Variants in COQ2 observed in about 807,000 individuals in gnomAD.
COQ2 encodes the protein 4-hydroxybenzoate polyprenyltransferase, mitochondrial.
A neutral mutation model predicts 35.7 loss-of-function variants in COQ2; 25 were observed. That is an observed-to-expected ratio of 0.70 (90% CI 0.51 to 0.98). COQ2 has a LOEUF of 0.98. Among genes scored for constraint, COQ2 ranks in the 50% least tolerant of loss-of-function variants. The probability of loss-of-function intolerance (pLI) is 0.00; values close to 1 mark genes in which losing one functional copy is unlikely to be tolerated. For synonymous variants in COQ2, 206 were observed against 186.2 expected (o/e 1.11, Z -0.86); for missense variants, 488 against 473.5 (o/e 1.03, Z -0.28).
chr4:83,282,409 C>G (rs1735345873), intron 1 of COQ2: 1 of 152,476 alleles, frequency 6.6e-6, no homozygotes, highest in South Asian at 2.1e-4. Context: ...AAAGAATTAT[C>G]AAACCTGGAA....
At chr4:83,265,207 C>T (rs1011023624) in intron 6 of COQ2, among the ~76,000 whole-genome samples, 1 of 152,172 alleles carries the variant, frequency 6.6e-6, no homozygotes, top group Non-Finnish European at 1.5e-5. Flanking sequence ...TGCAGACTTA[C>T]AATTATCATG....
Position 83,273,546 on chromosome 4 carries a change from C to G in COQ2, c.492G>C (p.Gly164=). The change falls in exon 3 of 7, where the codon GGG becomes GGC. Residue 164 remains glycine, a synonymous_variant. Coordinates refer to ENST00000647002, the MANE Select transcript of COQ2 (RefSeq NM_001358921.2). ...ISTFQSFVFL[G]GQLTLALGVL... ...CACCCAGTGCCAGGGTTAGCTGTCC[C>G]CCAAGAAAAACAAAGGACTGAAAAG... is the stretch of plus-strand genomic sequence containing the variant. 1 of 1,613,568 alleles carries G rather than the reference C, an allele frequency of 6.2e-7. No homozygotes were observed.
At chr4:83,274,775 C>T (rs190597530) in intron 2 of COQ2, among the ~76,000 whole-genome samples, 3 of 152,266 alleles carry the variant, frequency 2.0e-5, no homozygotes, top group Admixed American at 2.0e-4. Context: ...TCAGCCCCAA[C>T]CCCTTTCTCC....
rs758892356 is a variant in COQ2 at position 83,267,605 on chromosome 4, C to G, written c.932G>C (p.Gly311Ala). Residue 311 changes from glycine (G) to alanine (A), a missense_variant, in exon 6 of 7, where the codon GGA (glycine) becomes GCA (alanine). Transcript: ENST00000647002. Reference protein sequence around the residue: ...APYYAALGAVGAHLTHQIYTL... With the variant: ...APYYAALGAVAAHLTHQIYTL... ...TCAAACCTGGTGAGTCAGATGGGCT[C>G]CTACAGCACCCAGGGCAGCGTAGTA... is the stretch of plus-strand genomic sequence containing the variant. 6.3e-7 allele frequency: 1 copy of G among 1,579,642 alleles called. No individual in the cohort carries two copies.
intron 6 of COQ2, among the ~76,000 whole-genome samples, chr4:83,264,713 T>C (rs1734870487): frequency 6.6e-6 from 1 of 152,178 alleles, no homozygotes; most frequent in Non-Finnish European, 1.5e-5. Flanking sequence ...TTCTTAAGAA[T>C]TTTCGGTTGA....
At position 83,284,769 on chromosome 4, in the gene COQ2, C is replaced by G; in HGVS notation, c.-5G>C. 6.4e-7 allele frequency: 1 copy of G among 1,556,786 alleles called. No homozygotes were observed. The highest frequency in any genetic ancestry group is 8.6e-7 in the Non-Finnish European group (1 of 1,158,280). ...CGCGGCTCGCGAGCCCAGCATGGCG[C>G]TGGTGAGGCCGGGACGAGCTCGGAT... On this transcript the variant is annotated 5_prime_UTR_variant, in exon 1 of 7. Coordinates refer to ENST00000647002, the MANE Select transcript of COQ2 (RefSeq NM_001358921.2).
Position 83,284,582 on chromosome 4 carries a change from C to G in COQ2, c.183G>C (p.Ala61=), listed in dbSNP as rs1306360546. 1.3e-6 allele frequency: 2 copies of G among 1,549,560 alleles called. No homozygotes were observed. The highest frequency in any genetic ancestry group is 1.4e-5 in the African/African-American group (1 of 71,352). Residue 61 remains alanine (A), a synonymous_variant, in exon 1 of 7, where the codon GCG becomes GCC. Coordinates refer to ENST00000647002, the MANE Select transcript of COQ2 (RefSeq NM_001358921.2). ...PRGRQLSLSA[A]AVVDSAPRPL... ...GGCGGGGCGCAGAGTCCACCACCGC[C>G]GCCGCGGACAAACTGAGCTGGCGCC... is the stretch of plus-strand genomic sequence containing the variant.
At chr4:83,279,165 G>C (rs773569685) in intron 1 of COQ2, 51 bp from the exon 2 acceptor site, 158 of 1,486,026 alleles carry the variant, frequency 1.1e-4, no homozygotes, top group Non-Finnish European at 1.3e-4. Flanking sequence ...TCAGTTAACT[G>C]TTTTCATTTG....
rs772662878 is a variant in COQ2 at position 83,267,753 on chromosome 4, T to C, written c.784A>G (p.Ile262Val). Residue 262 changes from isoleucine to valine, a missense_variant, in exon 6 of 7, where the codon ATT (isoleucine) becomes GTT (valine). By Grantham distance (29) the Ile-to-Val change is conservative. Transcript: ENST00000647002. Reference sequence around the variant, plus strand: ...CGCAGAGCCGTTGACTTAAGACCAATCAAAACATCATCTCTTTTGTCCTAA... The same window carrying C: ...CGCAGAGCCGTTGACTTAAGACCAACCAAAACATCATCTCTTTTGTCCTAA... ...AHQDKRDDVL[I>V]GLKSTALRFG... 23 of 1,549,864 alleles carry C rather than the reference T, an allele frequency of 1.5e-5. 1 individual carries two copies. Among genetic ancestry groups the C allele is most frequent in the Middle Eastern group, 3.4e-4 (2 of 5,916 alleles).
intron 1 of COQ2, 78 bp from the exon 2 acceptor site, chr4:83,279,192 C>CA: frequency 7.0e-7 from 1 of 1,424,732 alleles, no homozygotes; most frequent in Non-Finnish European, 9.2e-7. Flanking sequence ...CATCACATAC[C>CA]AAAGAAATAA....
At chr4:83,282,007 T>C (rs1735337172) in intron 1 of COQ2, among the ~76,000 whole-genome samples, 1 of 152,108 alleles carries the variant, frequency 6.6e-6, no homozygotes, top group African/African-American at 2.4e-5. Context: ...TCCCCATACT[T>C]TTCTGTGAAG....
chr4:83,270,055 A>G, intron 4 of COQ2, 62 bp from the exon 5 acceptor site: 1 of 1,574,146 alleles, frequency 6.4e-7, no homozygotes, highest in Non-Finnish European at 8.7e-7. Flanking sequence ...CCTAAAGGGA[A>G]GGAGTGGCAT....
chr4:83,278,969 C>A lies in COQ2; in HGVS notation c.399G>T (p.Trp133Cys). 1 of 1,602,082 alleles carries A rather than the reference C, an allele frequency of 6.2e-7. No homozygotes were observed. The change falls in exon 2 of 7, where the codon TGG becomes TGT. Residue 133 changes from tryptophan to cysteine, a missense_variant. Trp to Cys is a radical substitution (Grantham distance 215). Transcript: ENST00000647002. ...TTACCTTTTTATCATAGTCCTGGTC[C>A]CACATGTCATTAATAGTACAGCCTG... ...RGAGCTINDM[W>C]DQDYDKKVTR...
intron 1 of COQ2, chr4:83,284,103 A>C: frequency 1.0e-6 from 1 of 985,438 alleles, no homozygotes; most frequent in Non-Finnish European, 1.2e-6. Context: ...TGCGGGGAGG[A>C]TCAAACATTC....
chr4:83,267,900 T>C (rs1734961402), intron 5 of COQ2, 126 bp from the exon 6 acceptor site: 4 of 712,848 alleles, frequency 5.6e-6, no homozygotes, highest in Admixed American at 3.1e-5. Flanking sequence ...CAATTACCAC[T>C]AACTACTTTC....
chr4:83,275,411 T>C (rs1735142221), intron 2 of COQ2, among the ~76,000 whole-genome samples: 1 of 90,460 alleles, frequency 1.1e-5, no homozygotes, highest in African/African-American at 3.9e-5. Flanking sequence ...CCCTGCCAAG[T>C]AGGCTTTTTT....
chr4:83,273,311 C>T (rs540904413), intron 3 of COQ2, among the ~76,000 whole-genome samples, 185 bp downstream of exon 3: 30 of 152,334 alleles, frequency 2.0e-4, no homozygotes, highest in African/African-American at 7.0e-4. Flanking sequence ...TTCTTAACTC[C>T]TTTGGCTGAA....
At chr4:83,277,973 A>AACAC (rs10595798) in intron 2 of COQ2, among the ~76,000 whole-genome samples, 22 of 140,166 alleles carry the variant, frequency 1.6e-4, no homozygotes, top group African/African-American at 4.8e-4. Flanking sequence ...TCCATCTCAA[A>AACAC]ACACACACAC....
At chr4:83,282,601 C>T in intron 1 of COQ2, 1 of 876,958 alleles carries the variant, frequency 1.1e-6, no homozygotes, top group Non-Finnish European at 1.4e-6. Flanking sequence ...ACAATTTTCT[C>T]CATTCCCCAC....
Sources: allele counts gnomAD v4.1 joint callset (sites outside exome capture counted in the v4.1 genomes callset), GRCh38; gene constraint gnomAD v4.1.1; transcripts MANE v1.5; gene names NCBI Gene and HGNC (gene_info 2026-07-23, HGNC 2026-07-21).